ARHGAP10: variants seen among roughly 807,000 people sequenced by gnomAD.
ARHGAP10 encodes rho GTPase-activating protein 10.
ARHGAP10 carries 87 observed loss-of-function variants against 108.6 expected under a neutral mutation model. That is an observed-to-expected ratio of 0.80 (90% CI 0.67 to 0.96). The LOEUF is 0.96. Among genes scored for constraint, ARHGAP10 ranks in the 40% least tolerant of loss-of-function variants. The pLI, the probability that ARHGAP10 is intolerant of heterozygous loss-of-function variation, is 0.00. For synonymous variants in ARHGAP10, 347 were observed against 341.1 expected (o/e 1.02, Z -0.19); for missense variants, 939 against 954.5 (o/e 0.98, Z 0.21).
At chr4:147,838,741 C>T (rs1015839293) in intron 3 of ARHGAP10, among the ~76,000 whole-genome samples, 4 of 152,122 alleles carry the variant, frequency 2.6e-5, no homozygotes, top group Admixed American at 1.3e-4. Context: ...TGCCTTGTTG[C>T]CCAGGCTATG....
intron 12 of ARHGAP10, among the ~76,000 whole-genome samples, chr4:147,911,539 T>C (rs1035049109): frequency 1.3e-5 from 2 of 152,174 alleles, no homozygotes; most frequent in African/African-American, 4.8e-5. Context: ...ATTTATTGTA[T>C]TTTTAGTAGA....
intron 8 of ARHGAP10, among the ~76,000 whole-genome samples, chr4:147,876,716 G>A (rs894146055): frequency 6.6e-6 from 1 of 152,206 alleles, no homozygotes; most frequent in African/African-American, 2.4e-5. Flanking sequence ...ATTCATCACT[G>A]TTGCCTTTGA....
At chr4:147,893,278 A>C (rs555519323) in intron 10 of ARHGAP10, among the ~76,000 whole-genome samples, 1 of 151,850 alleles carries the variant, frequency 6.6e-6, no homozygotes, top group African/African-American at 2.4e-5. Context: ...GGCTGGTCTT[A>C]AACTCCTGAC....
At chr4:147,907,689 C>A (rs1452620394) in intron 11 of ARHGAP10, among the ~76,000 whole-genome samples, 3 of 152,092 alleles carry the variant, frequency 2.0e-5, no homozygotes, top group Non-Finnish European at 4.4e-5. Flanking sequence ...TCTTGAAGTA[C>A]TTGGAAAATG....
intron 18 of ARHGAP10, among the ~76,000 whole-genome samples, chr4:148,017,682 A>ATATATATATATGTG (rs1437383455): frequency 7.4e-6 from 1 of 135,264 alleles, no homozygotes; most frequent in Non-Finnish European, 1.6e-5. Flanking sequence ...ATATATATAT[A>ATATATATATATGTG]TGTGTGTGTA....
rs557162784 is a variant in ARHGAP10, at chr4:147,878,901, C to T, written c.833-331C>T. Among the ~76,000 whole-genome samples, 83 of 152,016 alleles carry T rather than the reference C, an allele frequency of 5.5e-4. 1 individual carries two copies. Among genetic ancestry groups the T allele is most frequent in the Middle Eastern group, 3.4e-3 (1 of 292 alleles). ...ACACCATTCTCCTGCCTCAGCCTCC[C>T]GAGTAGCTAAGACTATAGGCGCCTG... On this transcript the variant is annotated intron_variant, in intron 8 of 22. Transcript: ENST00000336498.
chr4:147,781,683 T>TTTC (rs1553949149), intron 1 of ARHGAP10, among the ~76,000 whole-genome samples: 1 of 144,768 alleles, frequency 6.9e-6, no homozygotes, highest in African/African-American at 2.5e-5. Flanking sequence ...TTTCTTTTCT[T>TTTC]TTTTTTTTTT....
chr4:147,839,213 G>C (rs1462329554), intron 3 of ARHGAP10, among the ~76,000 whole-genome samples: 2 of 151,984 alleles, frequency 1.3e-5, no homozygotes, highest in African/African-American at 2.4e-5. Context: ...GGAAAAACAA[G>C]AGCTGTGTTT....
At chr4:147,908,246 T>C (rs1383691233) in intron 11 of ARHGAP10, among the ~76,000 whole-genome samples, 1 of 152,186 alleles carries the variant, frequency 6.6e-6, no homozygotes, top group Admixed American at 6.5e-5. Flanking sequence ...GTTATACTAG[T>C]CTTCTTTAGT....
intron 4 of ARHGAP10, 138 bp downstream of exon 4, chr4:147,847,360 C>A: frequency 1.3e-6 from 1 of 793,562 alleles, no homozygotes; most frequent in Non-Finnish European, 2.0e-6. Flanking sequence ...TGCTTTTCCC[C>A]CTTTGGGGGA....
intron 18 of ARHGAP10, among the ~76,000 whole-genome samples, chr4:147,985,657 C>T (rs1038114518): frequency 6.6e-6 from 1 of 152,200 alleles, no homozygotes; most frequent in African/African-American, 2.4e-5. Context: ...TCTGCATGAC[C>T]ACACTGCCAA....
chr4:147,802,530 A>G (rs961605883), intron 1 of ARHGAP10, among the ~76,000 whole-genome samples: 3 of 152,222 alleles, frequency 2.0e-5, no homozygotes, highest in African/African-American at 7.2e-5. Context: ...CCATGTTTGT[A>G]GCCTCTCTGT....
rs1027448402 is a variant in ARHGAP10 at position 148,020,458 on chromosome 4, G to A, written c.1717-2805G>A. ...CTGATGCTCTCCCTCCCCCTGCCCC[G>A]CTGACAGGCCCCAGTGTGTGTTCAC... is the stretch of plus-strand genomic sequence containing the variant. On this transcript the variant is annotated intron_variant, in intron 18 of 22. Transcript: ENST00000336498. 6.6e-5 allele frequency among the ~76,000 whole-genome samples: 10 copies of A among 151,844 alleles called. No individual in the cohort carries two copies. In the South Asian group the frequency reaches 8.3e-4, roughly 13 times the overall value.
intron 22 of ARHGAP10, chr4:148,065,803 CT>C (rs1380839995): frequency 6.6e-6 from 1 of 151,862 alleles, no homozygotes; most frequent in Non-Finnish European, 1.5e-5. Context: ...ACTAGGATAC[CT>C]TAGGCTGCAG....
At chr4:147,805,060 C>T (rs182313196) in intron 1 of ARHGAP10, among the ~76,000 whole-genome samples, 1 of 152,266 alleles carries the variant, frequency 6.6e-6, no homozygotes, top group African/African-American at 2.4e-5. Flanking sequence ...GTCCTCTATC[C>T]AGAATGGTAT....
At chr4:147,786,833 T>C (rs1056022555) in intron 1 of ARHGAP10, among the ~76,000 whole-genome samples, 4 of 152,186 alleles carry the variant, frequency 2.6e-5, no homozygotes, top group African/African-American at 9.7e-5. Flanking sequence ...GTGCTGTCTT[T>C]CCTCCTGCCC....
intron 18 of ARHGAP10, among the ~76,000 whole-genome samples, chr4:147,974,024 T>G (rs1285059980): frequency 6.6e-6 from 1 of 152,188 alleles, no homozygotes; most frequent in Non-Finnish European, 1.5e-5. Flanking sequence ...CTCTTTGATA[T>G]ACTGATTTCC....
At chr4:148,020,247 A>C (rs953177342) in intron 18 of ARHGAP10, among the ~76,000 whole-genome samples, 5 of 152,164 alleles carry the variant, frequency 3.3e-5, no homozygotes, top group African/African-American at 1.2e-4. Context: ...GGAATTGATT[A>C]TATATGTACA....
intron 19 of ARHGAP10, among the ~76,000 whole-genome samples, chr4:148,037,703 C>T (rs370738046): frequency 6.6e-5 from 10 of 152,106 alleles, no homozygotes; most frequent in East Asian, 1.9e-4. Context: ...GGTGTGGTGG[C>T]GTGTGCCTGT....
Sources: gnomAD v4.1 joint callset for allele counts (sites outside exome capture counted in the v4.1 genomes callset) on GRCh38, gnomAD v4.1.1 for gene constraint, MANE v1.5 for transcripts, NCBI Gene and HGNC (gene_info 2026-07-23, HGNC 2026-07-21) for gene names.